The following APIP variants were observed in gnomAD, a reference collection of about 807,000 sequenced individuals.
APIP encodes APAF1 interacting protein.
A neutral mutation model predicts 32.0 loss-of-function variants in APIP; 32 were observed. The observed-to-expected ratio is 1.00, with a 90% confidence interval of 0.76 to 1.34. The LOEUF is 1.34. APIP is among the 40% of genes most tolerant of loss of function. The pLI is 0.00. For missense variants in APIP, 247 were observed against 298.6 expected (o/e 0.83, Z 1.27); for synonymous variants, 92 against 94.8 (o/e 0.97, Z 0.17).
intron 2 of APIP, among the ~76,000 whole-genome samples, chr11:34,893,885 T>A (rs1565135034): frequency 2.6e-5 from 4 of 152,258 alleles, no homozygotes; most frequent in African/African-American, 7.2e-5. Flanking sequence ...CTTGGGGGCA[T>A]GACTATATAT....
intron 1 of APIP, among the ~76,000 whole-genome samples, chr11:34,913,526 C>T (rs1293535333): frequency 2.0e-5 from 3 of 152,170 alleles, no homozygotes; most frequent in Non-Finnish European, 4.4e-5. Flanking sequence ...TCGTTCCTCC[C>T]GGTGGGTTCA....
At chr11:34,895,458 GA>G (rs1451337211) in intron 1 of APIP, among the ~76,000 whole-genome samples, 1 of 152,140 alleles carries the variant, frequency 6.6e-6, no homozygotes, top group Non-Finnish European at 1.5e-5. Flanking sequence ...AGTCTCTCCA[GA>G]AGATTTATTT....
At chr11:34,896,785 C>A in intron 1 of APIP, 1 of 1,287,078 alleles carries the variant, frequency 7.8e-7, no homozygotes, top group East Asian at 5.6e-5. Flanking sequence ...AGCGCCAAAG[C>A]CAGAATGTTC....
At chr11:34,883,086 C>A (rs1365509018) in intron 6 of APIP, among the ~76,000 whole-genome samples, 1 of 152,058 alleles carries the variant, frequency 6.6e-6, no homozygotes, top group Admixed American at 6.6e-5. Flanking sequence ...TTTTTTTAAA[C>A]TAGATGTCAC....
intron 1 of APIP, among the ~76,000 whole-genome samples, chr11:34,908,025 T>A (rs1641121906): frequency 1.3e-5 from 2 of 152,132 alleles, no homozygotes; most frequent in Admixed American, 1.3e-4. Flanking sequence ...CCTGGAAGAC[T>A]CTCATACAAG....
intron 5 of APIP, 127 bp from the exon 6 acceptor site, chr11:34,883,631 T>A: frequency 1.2e-6 from 1 of 864,056 alleles, no homozygotes; most frequent in Non-Finnish European, 1.8e-6. Flanking sequence ...CTCCAAATTA[T>A]GAACAGGATG....
At chr11:34,885,558 T>A (rs1406788161) in intron 5 of APIP, among the ~76,000 whole-genome samples, 1 of 152,034 alleles carries the variant, frequency 6.6e-6, no homozygotes, top group African/African-American at 2.4e-5. Context: ...GTAAAAGAGA[T>A]AACGAGAAAT....
At chr11:34,912,172 C>T (rs1270159322) in intron 1 of APIP, among the ~76,000 whole-genome samples, 3 of 152,122 alleles carry the variant, frequency 2.0e-5, no homozygotes, top group African/African-American at 4.8e-5. Flanking sequence ...AAATAATACA[C>T]TTGATGCCTG....
chr11:34,916,317 C>G lies in APIP; in HGVS notation c.-33G>C, dbSNP rs1047160307. The G allele has an allele frequency of 1.2e-6, 2 of 1,608,668 alleles. No individual in the cohort carries two copies. The highest frequency in any genetic ancestry group is 8.5e-7 in the Non-Finnish European group (1 of 1,177,754). On this transcript the variant is annotated 5_prime_UTR_variant, in exon 1 of 7. Coordinates refer to ENST00000395787, the MANE Select transcript of APIP (RefSeq NM_015957.4). ...ACCAGGGACCCGCGCGGCCTCCAAT[C>G]TCCGCACGGCTTTGCGCGCGGCGCT... is the stretch of plus-strand genomic sequence containing the variant.
chr11:34,906,731 C>G (rs1403057021), intron 1 of APIP, among the ~76,000 whole-genome samples: 1 of 152,174 alleles, frequency 6.6e-6, no homozygotes, highest in Non-Finnish European at 1.5e-5. Context: ...AAATCTACAG[C>G]TACCTAAAGA....
intron 1 of APIP, among the ~76,000 whole-genome samples, chr11:34,910,592 G>A (rs1047711077): frequency 1.1e-4 from 16 of 152,262 alleles, no homozygotes; most frequent in African/African-American, 3.9e-4. Flanking sequence ...AGGTAAAGAT[G>A]CAGGTAAGTA....
At chr11:34,911,153 G>C (rs1403979379) in intron 1 of APIP, among the ~76,000 whole-genome samples, 2 of 152,116 alleles carry the variant, frequency 1.3e-5, no homozygotes, top group Admixed American at 1.3e-4. Flanking sequence ...AAAAGGGTAG[G>C]GGTTGGGCAG....
At chr11:34,905,302 A>G (rs1431731323) in intron 1 of APIP, among the ~76,000 whole-genome samples, 2 of 27,482 alleles carry the variant, frequency 7.3e-5, no homozygotes, top group Non-Finnish European at 3.0e-4. Flanking sequence ...CATTTGTACA[A>G]CAAGACTAAT....
In APIP at chr11:34,908,712, T is replaced by C. The variant is rs146911935; in HGVS notation, c.57+7516A>G. On this transcript the variant is annotated intron_variant, in intron 1 of 6. Transcript: ENST00000395787. The stretch of plus-strand genomic sequence containing the variant: ...CAGACTTCTGAATTAACACCAGTAG[T>C]CTGTTCTATGTTGGTATTTCTTATA... Among the ~76,000 whole-genome samples, 58 of 152,342 alleles carry C rather than the reference T, an allele frequency of 3.8e-4. No individual in the cohort carries two copies. The East Asian group carries it at 9.6e-3, about 25-fold the overall frequency.
At chr11:34,891,617 C>G (rs2985389) in intron 2 of APIP, among the ~76,000 whole-genome samples, 91,323 of 151,954 alleles carry the variant, frequency 0.6, 28,474 homozygotes, top group East Asian at 0.74. Flanking sequence ...CGATAAAAAT[C>G]TAAGGTGAAA....
intron 1 of APIP, among the ~76,000 whole-genome samples, chr11:34,898,993 G>A (rs575811045): frequency 6.6e-6 from 1 of 151,412 alleles, no homozygotes; most frequent in African/African-American, 2.4e-5. Flanking sequence ...AGAGATGGGG[G>A]TTTCACCGTG....
chr11:34,901,728 T>C (rs969701243), intron 1 of APIP, among the ~76,000 whole-genome samples: 1 of 152,192 alleles, frequency 6.6e-6, no homozygotes, highest in Non-Finnish European at 1.5e-5. Context: ...CCAGCATCCA[T>C]ACAGCCCCAG....
At chr11:34,893,056 G>A (rs1019120967) in intron 2 of APIP, among the ~76,000 whole-genome samples, 53 of 152,086 alleles carry the variant, frequency 3.5e-4, no homozygotes, top group Admixed American at 3.0e-3. Context: ...TAAGAACTAA[G>A]GATAAAGCAT....
chr11:34,909,011 G>GA (rs1853499524), intron 1 of APIP, among the ~76,000 whole-genome samples: 1 of 152,148 alleles, frequency 6.6e-6, no homozygotes, highest in Non-Finnish European at 1.5e-5. Context: ...GTCAGTAAAC[G>GA]AAAGAGGCTG....
Sources: gnomAD v4.1 joint callset for allele counts (sites outside exome capture counted in the v4.1 genomes callset) on GRCh38, gnomAD v4.1.1 for gene constraint, MANE v1.5 for transcripts, NCBI Gene and HGNC (gene_info 2026-07-23, HGNC 2026-07-21) for gene names.